The following SLC24A3 variants were observed in gnomAD, a reference collection of about 807,000 sequenced individuals.
SLC24A3 encodes solute carrier family 24 member 3.
A neutral mutation model predicts 75.8 loss-of-function variants in SLC24A3; 28 were observed. The observed-to-expected ratio is 0.37, with a 90% CI of 0.27 to 0.51. SLC24A3 has a LOEUF of 0.51. Ranked by LOEUF, SLC24A3 falls within the 20% of genes least tolerant of loss-of-function variation. The pLI is 0.94. For missense variants in SLC24A3, 663 were observed against 847.8 expected (o/e 0.78, Z 2.71); for synonymous variants, 372 against 334.1 (o/e 1.11, Z -1.24).
chr20:19,458,181 A>G (rs908266563), intron 2 of SLC24A3, among the ~76,000 whole-genome samples: 18 of 152,168 alleles, frequency 1.2e-4, no homozygotes, highest in African/African-American at 4.1e-4. Flanking sequence ...CCCCCCTCAC[A>G]TGCACACACA....
intron 3 of SLC24A3, among the ~76,000 whole-genome samples, chr20:19,557,266 C>G (rs1249950349): frequency 1.3e-5 from 2 of 152,160 alleles, no homozygotes; most frequent in Non-Finnish European, 1.5e-5. Context: ...AATCCTGCCC[C>G]AGCATGTCTG....
intron 1 of SLC24A3, among the ~76,000 whole-genome samples, chr20:19,230,951 A>G (rs903697050): frequency 2.6e-4 from 39 of 152,208 alleles, no homozygotes; most frequent in Admixed American, 6.5e-5. Flanking sequence ...ACAAAGAAAA[A>G]GAAATTGGGA....
chr20:19,580,020 G>T lies in SLC24A3; in HGVS notation c.369G>T (p.Ala123=), dbSNP rs3790261. The change falls in exon 4 of 17, where the codon GCG becomes GCT. Residue 123 remains alanine, a synonymous_variant. Transcript: ENST00000328041. The stretch of plus-strand genomic sequence containing the variant: ...TCCAGGCCATATACATGTTCTATGC[G>T]CTGGCCATTGTGTGTGATGACTTCT... ...HVLCAIYMFY[A]LAIVCDDFFV... The T allele has an allele frequency of 6.2e-6, 10 of 1,613,286 alleles. No individual in the cohort carries two copies. The highest frequency in any genetic ancestry group is 3.3e-4 in the Middle Eastern group (2 of 6,084).
At chr20:19,479,316 A>C (rs1158879112) in intron 2 of SLC24A3, among the ~76,000 whole-genome samples, 1 of 152,220 alleles carries the variant, frequency 6.6e-6, no homozygotes, top group Non-Finnish European at 1.5e-5. Flanking sequence ...TTTTGCACAC[A>C]GCTCTTCTTG....
intron 2 of SLC24A3, among the ~76,000 whole-genome samples, chr20:19,321,935 G>A (rs1308424606): frequency 1.3e-5 from 2 of 152,072 alleles, no homozygotes; most frequent in South Asian, 2.1e-4. Flanking sequence ...ATGCATCCAG[G>A]CCTGTTGACT....
chr20:19,334,994 C>CTTTA (rs1204844643), intron 2 of SLC24A3, among the ~76,000 whole-genome samples: 2 of 152,202 alleles, frequency 1.3e-5, no homozygotes, highest in Non-Finnish European at 2.9e-5. Context: ...GCACCTGGTA[C>CTTTA]TTTAGTCTGA....
chr20:19,345,961 T>C (rs1265107652), intron 2 of SLC24A3, among the ~76,000 whole-genome samples: 2 of 150,558 alleles, frequency 1.3e-5, no homozygotes, highest in African/African-American at 4.9e-5. Flanking sequence ...GAAGTCATTA[T>C]ACAAAAAAGA....
chr20:19,272,460 C>T (rs191461932), intron 1 of SLC24A3, among the ~76,000 whole-genome samples: 4 of 152,366 alleles, frequency 2.6e-5, no homozygotes, highest in African/African-American at 9.6e-5. Flanking sequence ...CATGAGTCAC[C>T]TTGTGAAAAT....
intron 2 of SLC24A3, among the ~76,000 whole-genome samples, chr20:19,513,907 T>TTG (rs151212726): frequency 6.6e-6 from 1 of 151,782 alleles, no homozygotes; most frequent in Non-Finnish European, 1.5e-5. Context: ...GTGTGTGTGT[T>TTG]TGTGTGTGTG....
chr20:19,402,378 C>T (rs1478124037), intron 2 of SLC24A3, among the ~76,000 whole-genome samples: 1 of 152,178 alleles, frequency 6.6e-6, no homozygotes, highest in Non-Finnish European at 1.5e-5. Context: ...TATTATTTAG[C>T]AGCCTAAAGT....
At chr20:19,700,116 C>T (rs1005706176) in intron 15 of SLC24A3, among the ~76,000 whole-genome samples, 2 of 152,168 alleles carry the variant, frequency 1.3e-5, no homozygotes, top group African/African-American at 2.4e-5. Context: ...CAACAACTTT[C>T]GCAGAGAAGG....
intron 6 of SLC24A3, among the ~76,000 whole-genome samples, chr20:19,590,228 T>C (rs2031355533): frequency 1.3e-5 from 2 of 152,010 alleles, no homozygotes; most frequent in African/African-American, 4.8e-5. Flanking sequence ...AAGTTTCTCT[T>C]ATACTCAGAT....
At position 19,484,565 on chromosome 20, in the gene SLC24A3, T is replaced by C. The variant is rs116736346; in HGVS notation, c.272-30923T>C. 1.3e-3 allele frequency among the ~76,000 whole-genome samples: 203 copies of C among 152,324 alleles called. 1 individual carries two copies. The highest frequency in any genetic ancestry group is 4.7e-3 in the African/African-American group (195 of 41,578). On this transcript the variant is annotated intron_variant, in intron 2 of 16. Coordinates refer to ENST00000328041, the MANE Select transcript of SLC24A3 (RefSeq NM_020689.4). The stretch of plus-strand genomic sequence containing the variant: ...CAACGGATGAGCCTTGAAGACATTA[T>C]GCTAAGTGAAATAAACCGGTCACAA...
intron 3 of SLC24A3, among the ~76,000 whole-genome samples, chr20:19,544,966 G>C (rs1005898834): frequency 4.6e-5 from 7 of 152,288 alleles, no homozygotes; most frequent in African/African-American, 1.4e-4. Flanking sequence ...AAGGAAATGC[G>C]GCCTCCTCCT....
intron 2 of SLC24A3, among the ~76,000 whole-genome samples, chr20:19,303,470 A>C (rs921376902): frequency 6.6e-6 from 1 of 152,222 alleles, no homozygotes; most frequent in African/African-American, 2.4e-5. Flanking sequence ...TGCAATGAAC[A>C]TATGCGTGCC....
At position 19,684,373 on chromosome 20, in the gene SLC24A3, G is replaced by A. The variant is rs758681646; in HGVS notation, c.1062+37G>A. The A allele has an allele frequency of 7.6e-6, 12 of 1,587,020 alleles. No homozygotes were observed. In the East Asian group the frequency reaches 1.4e-4, roughly 18 times the overall value. On this transcript the variant is annotated intron_variant, in intron 11 of 16. Transcript: ENST00000328041. ...AGCACTGTCCACTGCCCACTGGACA[G>A]GGGTGGGAAACTCTGGGAAGGAGAG...
intron 1 of SLC24A3, among the ~76,000 whole-genome samples, chr20:19,218,457 T>A (rs1177087463): frequency 6.6e-6 from 1 of 152,170 alleles, no homozygotes; most frequent in African/African-American, 2.4e-5. Context: ...GAGGAGGACA[T>A]GAATAGAAGA....
At chr20:19,274,929 C>G (rs1256913754) in intron 1 of SLC24A3, among the ~76,000 whole-genome samples, 1 of 152,176 alleles carries the variant, frequency 6.6e-6, no homozygotes, top group Non-Finnish European at 1.5e-5. Context: ...GCCTAGAGAG[C>G]CTGAGTTAGT....
At chr20:19,483,406 A>G (rs1046822663) in intron 2 of SLC24A3, among the ~76,000 whole-genome samples, 7 of 152,224 alleles carry the variant, frequency 4.6e-5, no homozygotes, top group Admixed American at 4.6e-4. Flanking sequence ...CCAGCCTAGG[A>G]CACTTGACAC....
Sources: allele counts gnomAD v4.1 joint callset (sites outside exome capture counted in the v4.1 genomes callset), GRCh38; gene constraint gnomAD v4.1.1; transcripts MANE v1.5; gene names NCBI Gene and HGNC (gene_info 2026-07-23, HGNC 2026-07-21).